Variants in AP2B1 observed in about 807,000 individuals in gnomAD.
AP2B1 encodes AP-2 complex subunit beta.
AP2B1 carries 23 observed loss-of-function variants against 102.0 expected under a neutral mutation model. The observed-to-expected ratio is 0.23, with a 90% CI of 0.16 to 0.32. The LOEUF (loss-of-function observed/expected upper bound fraction) is 0.32. Among genes scored for constraint, AP2B1 ranks in the 10% least tolerant of loss-of-function variants. The probability of loss-of-function intolerance (pLI) is 1.00; values close to 1 mark genes in which losing one functional copy is unlikely to be tolerated. For missense variants in AP2B1, 541 were observed against 1,157.4 expected (o/e 0.47, Z 7.73); for synonymous variants, 381 against 421.2 (o/e 0.90, Z 1.17).
chr17:35,593,577 TCGG>T (rs1294873400), intron 1 of AP2B1, among the ~76,000 whole-genome samples: 1 of 152,216 alleles, frequency 6.6e-6, no homozygotes, highest in African/African-American at 2.4e-5. Flanking sequence ...ATGTCATAGA[TCGG>T]CAAAATTGTT....
At chr17:35,650,870 G>A in intron 13 of AP2B1, 81 bp downstream of exon 13, 1 of 1,471,876 alleles carries the variant, frequency 6.8e-7, no homozygotes, top group South Asian at 1.3e-5. Context: ...TTTATAGTCT[G>A]GAAAAGAACT....
intron 5 of AP2B1, among the ~76,000 whole-genome samples, chr17:35,617,374 A>G (rs2074055139): frequency 6.6e-6 from 1 of 152,174 alleles, no homozygotes; most frequent in African/African-American, 2.4e-5. Flanking sequence ...CATATATTCT[A>G]TATTGTACAG....
At chr17:35,719,704 A>G (rs2085298412) in intron 21 of AP2B1, among the ~76,000 whole-genome samples, 2 of 152,240 alleles carry the variant, frequency 1.3e-5, no homozygotes, top group African/African-American at 4.8e-5. Flanking sequence ...GTTGTGAGAA[A>G]TTATACAGTG....
At chr17:35,695,127 T>G (rs1229449351) in intron 18 of AP2B1, among the ~76,000 whole-genome samples, 4 of 152,146 alleles carry the variant, frequency 2.6e-5, no homozygotes, top group African/African-American at 9.7e-5. Context: ...CCTGTGAAAT[T>G]ATTGCTGACT....
intron 5 of AP2B1, among the ~76,000 whole-genome samples, chr17:35,619,876 G>A (rs771124882): frequency 5.3e-5 from 8 of 151,910 alleles, no homozygotes; most frequent in South Asian, 2.1e-4. Context: ...CCTCTGCCTC[G>A]CATGTTCAAG....
intron 9 of AP2B1, among the ~76,000 whole-genome samples, chr17:35,628,358 T>A (rs1037592): frequency 0.22 from 33,967 of 152,098 alleles, 4,014 homozygotes; most frequent in East Asian, 0.34. Flanking sequence ...TCCCAGCACT[T>A]TGGGAGGCCA....
At chr17:35,605,885 A>G (rs181006614) in intron 4 of AP2B1, 45 bp downstream of exon 4, 1 of 1,590,446 alleles carries the variant, frequency 6.3e-7, no homozygotes, top group East Asian at 2.2e-5. Flanking sequence ...AATTGCAAAT[A>G]AGTAACCTCT....
intron 21 of AP2B1, among the ~76,000 whole-genome samples, chr17:35,718,357 T>TGC (rs1555591193): frequency 7.8e-5 from 11 of 140,416 alleles, no homozygotes; most frequent in Non-Finnish European, 1.1e-4. Flanking sequence ...TGTGTGTGTG[T>TGC]GCTCGCTCCT....
chr17:35,713,429 C>A (rs1321978847), intron 20 of AP2B1, among the ~76,000 whole-genome samples: 1 of 152,222 alleles, frequency 6.6e-6, no homozygotes, highest in Non-Finnish European at 1.5e-5. Flanking sequence ...TTTGAGTCCA[C>A]CCCCAGGTCT....
At chr17:35,593,942 A>C (rs2073178834) in intron 1 of AP2B1, 66 bp from the exon 2 acceptor site, 1 of 818,176 alleles carries the variant, frequency 1.2e-6, no homozygotes, top group Non-Finnish European at 1.8e-6. Context: ...GATGTTCTTA[A>C]AATTAATTGG....
At chr17:35,648,743 A>AGTTGTGT (rs1555569052) in intron 12 of AP2B1, among the ~76,000 whole-genome samples, 1 of 148,590 alleles carries the variant, frequency 6.7e-6, no homozygotes, top group Non-Finnish European at 1.5e-5. Flanking sequence ...ATATGAAATA[A>AGTTGTGT]GTGTGTGTGT....
chr17:35,617,874 TTTTA>T (rs1228564670), intron 5 of AP2B1, among the ~76,000 whole-genome samples: 1 of 152,256 alleles, frequency 6.6e-6, no homozygotes, highest in Admixed American at 6.5e-5. Context: ...TAGGCATGCC[TTTTA>T]TTTGTTTATC....
At chr17:35,661,048 G>A (rs2142900115) in intron 14 of AP2B1, among the ~76,000 whole-genome samples, 1 of 152,180 alleles carries the variant, frequency 6.6e-6, no homozygotes, top group African/African-American at 2.4e-5. Context: ...TATCAACCAG[G>A]CCACTAGACT....
At position 35,675,501 on chromosome 17, in the gene AP2B1, A is replaced by G. The variant is rs1224805139; in HGVS notation, c.2324+1180A>G. ...CCAATGTTTCCAGCCATTTTTGAGG[A>G]GCTGGCCCTGTTAAAGGCCAGGGCT... is the stretch of plus-strand genomic sequence containing the variant. On this transcript the variant is annotated intron_variant, in intron 17 of 21. Transcript: ENST00000610402. Among the ~76,000 whole-genome samples, 3 of 152,338 alleles carry G rather than the reference A, an allele frequency of 2.0e-5. No homozygotes were observed. The East Asian group carries it at 5.8e-4, about 29-fold the overall frequency.
At chr17:35,639,999 C>T (rs1313508021) in intron 11 of AP2B1, among the ~76,000 whole-genome samples, 1 of 152,194 alleles carries the variant, frequency 6.6e-6, no homozygotes, top group Non-Finnish European at 1.5e-5. Context: ...TCACTGCAAC[C>T]TTTGCCTCCT....
chr17:35,709,397 TTTTGAGG>T, intron 19 of AP2B1, 89 bp downstream of exon 19: 2 of 1,124,004 alleles, frequency 1.8e-6, no homozygotes, highest in African/African-American at 1.5e-5. Flanking sequence ...TTTTGAGTTA[TTTTGAGG>T]TTAAAAAAAA....
At chr17:35,668,483 C>T (rs1208191066) in intron 14 of AP2B1, among the ~76,000 whole-genome samples, 12 of 152,150 alleles carry the variant, frequency 7.9e-5, no homozygotes, top group Admixed American at 7.9e-4. Flanking sequence ...CCCCCACACA[C>T]AGATGGTTGA....
rs779631571 is a variant in AP2B1 at position 35,639,656 on chromosome 17, C to G, written c.1333C>G (p.Arg445Gly). 4 of 1,614,022 alleles carry G rather than the reference C, an allele frequency of 2.5e-6. No individual in the cohort carries two copies. Among genetic ancestry groups the G allele is most frequent in the Non-Finnish European group, 2.5e-6 (3 of 1,179,964 alleles). ...NLDSLDEPDA[R>G]AAMIWIVGEY... The stretch of plus-strand genomic sequence containing the variant: ...AGACTCGCTGGATGAGCCAGATGCT[C>G]GAGCAGCTATGATTTGGATTGTGGG... Residue 445 changes from arginine to glycine, a missense_variant, in exon 11 of 22, where the codon CGA becomes GGA. Physicochemically the swap from Arg to Gly is moderately radical, Grantham distance 125. Coordinates refer to ENST00000610402, the MANE Select transcript of AP2B1 (RefSeq NM_001030006.2).
At chr17:35,665,276 C>T (rs2075442485) in intron 14 of AP2B1, among the ~76,000 whole-genome samples, 2 of 148,686 alleles carry the variant, frequency 1.3e-5, no homozygotes, top group South Asian at 4.3e-4. Flanking sequence ...TACAGGCGCC[C>T]ACCACTACAC....
Sources: allele counts gnomAD v4.1 joint callset (sites outside exome capture counted in the v4.1 genomes callset), GRCh38; gene constraint gnomAD v4.1.1; transcripts MANE v1.5; gene names NCBI Gene and HGNC (gene_info 2026-07-23, HGNC 2026-07-21).